Variants in FAT3 observed in about 807,000 individuals in gnomAD.
FAT3 encodes the protein protocadherin Fat 3.
A neutral mutation model predicts 310.2 loss-of-function variants in FAT3; 95 were observed. The ratio of observed to expected loss-of-function variants is 0.31; its 90% CI spans 0.26 to 0.36. The LOEUF is 0.36. Among genes scored for constraint, FAT3 ranks in the 10% least tolerant of loss-of-function variants. The pLI is 1.00. For synonymous variants in FAT3, 2,314 were observed against 2,192.9 expected (o/e 1.06, Z -1.54); for missense variants, 5,408 against 5,715.6 (o/e 0.95, Z 1.74).
At chr11:92,806,966 G>A (rs1009390999) in intron 12 of FAT3, among the ~76,000 whole-genome samples, 7 of 152,126 alleles carry the variant, frequency 4.6e-5, no homozygotes, top group African/African-American at 7.2e-5. Flanking sequence ...TGTGAACAAA[G>A]GTTATCTAGT....
intron 2 of FAT3, among the ~76,000 whole-genome samples, chr11:92,523,898 C>T (rs1449422837): frequency 6.6e-6 from 1 of 152,130 alleles, no homozygotes; most frequent in East Asian, 1.9e-4. Flanking sequence ...ATGGGAAAGA[C>T]TGGGCATTTT....
intron 11 of FAT3, 109 bp downstream of exon 11, chr11:92,805,458 A>G (rs1947477961): frequency 5.9e-6 from 7 of 1,195,354 alleles, no homozygotes; most frequent in Admixed American, 2.6e-5. Flanking sequence ...CTTATCTGCA[A>G]TTGGGTGTGG....
At chr11:92,827,083 G>T (rs1948121380) in intron 13 of FAT3, among the ~76,000 whole-genome samples, 1 of 152,152 alleles carries the variant, frequency 6.6e-6, no homozygotes, top group Admixed American at 6.5e-5. Context: ...AAGTTATTCT[G>T]GCACCTGGTA....
chr11:92,528,260 G>GT (rs570103414), intron 3 of FAT3, among the ~76,000 whole-genome samples: 2 of 152,288 alleles, frequency 1.3e-5, no homozygotes, highest in South Asian at 2.1e-4. Context: ...ATGCTGTGTG[G>GT]TTTTTTCTGG....
At chr11:92,522,434 A>T (rs1235655849) in intron 2 of FAT3, among the ~76,000 whole-genome samples, 1 of 152,146 alleles carries the variant, frequency 6.6e-6, no homozygotes, top group African/African-American at 2.4e-5. Context: ...AGACCAAAAT[A>T]GATGGTCCTT....
chr11:92,232,190 G>A (rs1263368637), intron 1 of FAT3, among the ~76,000 whole-genome samples: 1 of 152,046 alleles, frequency 6.6e-6, no homozygotes, highest in Non-Finnish European at 1.5e-5. Context: ...CATGAAAGTG[G>A]GCCAAATGCA....
rs1017153818 is a variant in FAT3 at position 92,315,489 on chromosome 11, A to G, written c.-17-36607A>G. On this transcript the variant is annotated intron_variant, in intron 1 of 27. Coordinates refer to ENST00000525166, the MANE Select transcript of FAT3 (RefSeq NM_001367949.2). ...TGTGTGTGTGTGTGTGTATATATAT[A>G]TATATATATATATATATATATATAG... is the stretch of plus-strand genomic sequence containing the variant. 5.8e-3 allele frequency among the ~76,000 whole-genome samples: 419 copies of G among 72,172 alleles called. 4 individuals carry two copies. Among genetic ancestry groups the G allele is most frequent in the African/African-American group, 0.021 (376 of 17,958 alleles). 47.3% of individuals were successfully genotyped at this position (72,172 alleles called of 152,430 possible).
chr11:92,406,148 T>C (rs990957956), intron 2 of FAT3, among the ~76,000 whole-genome samples: 4 of 152,120 alleles, frequency 2.6e-5, no homozygotes, highest in African/African-American at 9.7e-5. Context: ...GTTCAGTTTT[T>C]GTTTTGATTG....
At chr11:92,360,308 C>T (rs1200690401) in intron 2 of FAT3, among the ~76,000 whole-genome samples, 1 of 152,184 alleles carries the variant, frequency 6.6e-6, no homozygotes, top group Non-Finnish European at 1.5e-5. Context: ...CGAATCAAAC[C>T]ATACCTTTGA....
chr11:92,426,152 TC>T (rs1191512090), intron 2 of FAT3, among the ~76,000 whole-genome samples: 1 of 152,244 alleles, frequency 6.6e-6, no homozygotes, highest in East Asian at 1.9e-4. Flanking sequence ...GACCTTTTTT[TC>T]ATATGTTTGT....
intron 1 of FAT3, among the ~76,000 whole-genome samples, chr11:92,295,349 A>G (rs1400884023): frequency 6.6e-6 from 1 of 152,174 alleles, no homozygotes; most frequent in Non-Finnish European, 1.5e-5. Flanking sequence ...TGACTTGGCC[A>G]GGAGGCCGTG....
chr11:92,515,452 T>A (rs1197804495), intron 2 of FAT3, among the ~76,000 whole-genome samples: 1 of 152,132 alleles, frequency 6.6e-6, no homozygotes, highest in Non-Finnish European at 1.5e-5. Flanking sequence ...AATTAAATAA[T>A]GTTTGCTTAG....
At chr11:92,509,457 T>C (rs993625536) in intron 2 of FAT3, among the ~76,000 whole-genome samples, 2 of 152,226 alleles carry the variant, frequency 1.3e-5, no homozygotes, top group Non-Finnish European at 2.9e-5. Context: ...ATAAGTGACC[T>C]AGCAAGAGTG....
intron 4 of FAT3, among the ~76,000 whole-genome samples, chr11:92,754,291 G>A (rs1945915857): frequency 1.3e-5 from 2 of 151,936 alleles, no homozygotes. Context: ...TGAAGACTAT[G>A]TTTGTATATA....
At chr11:92,635,588 C>A (rs1426613701) in intron 3 of FAT3, among the ~76,000 whole-genome samples, 1 of 152,176 alleles carries the variant, frequency 6.6e-6, no homozygotes, top group African/African-American at 2.4e-5. Flanking sequence ...TTTAAATTGA[C>A]TTTGAAGCAC....
At chr11:92,831,601 T>G (rs6483189) in intron 13 of FAT3, 21 bp from the exon 14 acceptor site, 1,321,369 of 1,593,310 alleles carry the variant, frequency 0.83, 550,170 homozygotes, top group Middle Eastern at 0.85. Flanking sequence ...GCCCACTCAT[T>G]TTCCTGTGTC....
intron 1 of FAT3, among the ~76,000 whole-genome samples, chr11:92,237,081 C>T (rs1247569303): frequency 2.6e-5 from 4 of 152,082 alleles, no homozygotes; most frequent in African/African-American, 9.7e-5. Flanking sequence ...ACAATTCCAG[C>T]ATCATGGTGG....
intron 3 of FAT3, among the ~76,000 whole-genome samples, chr11:92,601,684 G>A (rs1346855406): frequency 6.6e-6 from 1 of 152,150 alleles, no homozygotes; most frequent in Non-Finnish European, 1.5e-5. Flanking sequence ...CATAAAGTTG[G>A]AGGTAGAGGC....
chr11:92,780,794 C>A (rs1946725407), intron 7 of FAT3, among the ~76,000 whole-genome samples: 1 of 152,112 alleles, frequency 6.6e-6, no homozygotes, highest in South Asian at 2.1e-4. Flanking sequence ...AAGAAGAGAG[C>A]AAAATACTTC....
Sources: gnomAD v4.1 joint callset for allele counts (sites outside exome capture counted in the v4.1 genomes callset) on GRCh38, gnomAD v4.1.1 for gene constraint, MANE v1.5 for transcripts, NCBI Gene and HGNC (gene_info 2026-07-23, HGNC 2026-07-21) for gene names.